The following SUSD6 variants were observed in gnomAD, a reference collection of about 807,000 sequenced individuals.
The protein encoded by SUSD6 is sushi domain-containing protein 6.
A neutral mutation model predicts 28.4 loss-of-function variants in SUSD6; 16 were observed. The ratio of observed to expected loss-of-function variants is 0.56; its 90% CI spans 0.38 to 0.86. The LOEUF is 0.86. Ranked by LOEUF, SUSD6 falls within the 40% of genes least tolerant of loss-of-function variation. The pLI is 0.00. For missense variants in SUSD6, 341 were observed against 384.2 expected (o/e 0.89, Z 0.94); for synonymous variants, 147 against 159.6 (o/e 0.92, Z 0.59).
chr14:69,626,652 A>AT (rs1039510197), intron 1 of SUSD6, among the ~76,000 whole-genome samples: 2 of 151,850 alleles, frequency 1.3e-5, no homozygotes, highest in Non-Finnish European at 2.9e-5. Flanking sequence ...TGAAGCACCC[A>AT]TTTTTTTCAT....
intron 2 of SUSD6, among the ~76,000 whole-genome samples, chr14:69,699,915 G>A (rs961893933): frequency 5.9e-5 from 9 of 152,172 alleles, no homozygotes; most frequent in Admixed American, 4.6e-4. Flanking sequence ...CATAGGGGAC[G>A]AAAGATTGGT....
chr14:69,652,139 T>C (rs1226054948), intron 1 of SUSD6, among the ~76,000 whole-genome samples: 1 of 152,186 alleles, frequency 6.6e-6, no homozygotes, highest in Non-Finnish European at 1.5e-5. Context: ...TCATCCCAGT[T>C]CCCTCTCTTA....
chr14:69,650,095 A>G (rs911784241), intron 1 of SUSD6, among the ~76,000 whole-genome samples: 3 of 152,180 alleles, frequency 2.0e-5, no homozygotes, highest in Admixed American at 6.5e-5. Flanking sequence ...TTGATGGGAA[A>G]GAATGTGGGA....
At chr14:69,690,691 C>G (rs1411105426) in intron 2 of SUSD6, among the ~76,000 whole-genome samples, 1 of 152,186 alleles carries the variant, frequency 6.6e-6, no homozygotes, top group East Asian at 1.9e-4. Context: ...CCGTGGTGGT[C>G]ATTTGGGAGA....
chr14:69,658,578 T>C lies in SUSD6; in HGVS notation c.-15T>C, dbSNP rs774641535. 1.2e-6 allele frequency: 2 copies of C among 1,613,512 alleles called. No homozygotes were observed. Among genetic ancestry groups the C allele is most frequent in the Middle Eastern group, 1.7e-4 (1 of 6,060 alleles). On this transcript the variant is annotated 5_prime_UTR_variant, in exon 2 of 6. Coordinates refer to ENST00000342745, the MANE Select transcript of SUSD6 (RefSeq NM_014734.4). ...TTAAATTTTTTCTTTTTAAAAAAAC[T>C]TGGACGGATAAAAGATGTGCCATGG...
intron 2 of SUSD6, among the ~76,000 whole-genome samples, chr14:69,672,044 A>G (rs898441899): frequency 1.3e-5 from 2 of 152,156 alleles, no homozygotes; most frequent in African/African-American, 4.8e-5. Context: ...TTATAATACT[A>G]TTTTTTCAGT....
At chr14:69,659,016 C>G (rs1433667000) in intron 2 of SUSD6, among the ~76,000 whole-genome samples, 1 of 152,134 alleles carries the variant, frequency 6.6e-6, no homozygotes, top group Non-Finnish European at 1.5e-5. Context: ...AGGGGACAGA[C>G]TTTGGAATCA....
intron 1 of SUSD6, among the ~76,000 whole-genome samples, chr14:69,641,024 C>G (rs527728063): frequency 6.6e-6 from 1 of 152,314 alleles, no homozygotes; most frequent in East Asian, 1.9e-4. Flanking sequence ...CAACACTAGG[C>G]CTTCCTAAAT....
At chr14:69,682,485 A>G (rs923241818) in intron 2 of SUSD6, among the ~76,000 whole-genome samples, 1 of 152,210 alleles carries the variant, frequency 6.6e-6, no homozygotes, top group African/African-American at 2.4e-5. Context: ...ACATATGAGA[A>G]AAACAATCCT....
chr14:69,638,057 A>G (rs772529639), intron 1 of SUSD6, among the ~76,000 whole-genome samples: 18 of 152,074 alleles, frequency 1.2e-4, no homozygotes, highest in Admixed American at 1.1e-3. Context: ...CCTTTTGCCT[A>G]TGCCTCCAAG....
At chr14:69,622,329 C>G (rs531962045) in intron 1 of SUSD6, among the ~76,000 whole-genome samples, 1 of 152,040 alleles carries the variant, frequency 6.6e-6, no homozygotes, top group African/African-American at 2.4e-5. Context: ...CATGCCCGGC[C>G]AATTTTTTTG....
chr14:69,627,308 T>C (rs1885128682), intron 1 of SUSD6, among the ~76,000 whole-genome samples: 1 of 152,200 alleles, frequency 6.6e-6, no homozygotes, highest in South Asian at 2.1e-4. Flanking sequence ...ATTTCAGGGC[T>C]AATCATGAAT....
intron 1 of SUSD6, among the ~76,000 whole-genome samples, chr14:69,638,294 T>C (rs1885294186): frequency 6.6e-6 from 1 of 152,136 alleles, no homozygotes; most frequent in Non-Finnish European, 1.5e-5. Context: ...AGGACTGTAA[T>C]TTAGCTTGTG....
At chr14:69,687,788 C>G (rs1886095154) in intron 2 of SUSD6, among the ~76,000 whole-genome samples, 1 of 152,214 alleles carries the variant, frequency 6.6e-6, no homozygotes, top group South Asian at 2.1e-4. Context: ...GCCGTTACAA[C>G]TGTTAATTAA....
intron 2 of SUSD6, among the ~76,000 whole-genome samples, chr14:69,677,576 T>C (rs1371757512): frequency 6.7e-6 from 1 of 149,630 alleles, no homozygotes; most frequent in African/African-American, 2.5e-5. Flanking sequence ...AAAGTGTTTT[T>C]ACAGACCTGT....
In SUSD6 at chr14:69,712,351, T is replaced by C. The variant is rs1566610014; in HGVS notation, c.*1372T>C. 1 of 152,380 alleles carries C rather than the reference T, an allele frequency of 6.6e-6. No individual in the cohort carries two copies. Among genetic ancestry groups the C allele is most frequent in the Non-Finnish European group, 1.5e-5 (1 of 68,180 alleles). The allele number at this position is 152,380 out of a possible 1,614,324, so 9.4% of individuals were successfully genotyped here. A position where few individuals can be genotyped will look rare whatever the true frequency, so the allele number is the denominator to read the frequency against. ...GGGCCCTGGGGGAGGAGCCCACTGA[T>C]GAGGGGCGCTCTCCCATAGCCATGT... On this transcript the variant is annotated 3_prime_UTR_variant, in exon 6 of 6. Transcript: ENST00000342745.
intron 2 of SUSD6, among the ~76,000 whole-genome samples, chr14:69,678,091 G>A (rs1350402882): frequency 6.6e-6 from 1 of 151,358 alleles, no homozygotes; most frequent in African/African-American, 2.4e-5. Flanking sequence ...ACAGAATATT[G>A]TTTTATGTGT....
At chr14:69,646,963 AG>A (rs1566594381) in intron 1 of SUSD6, among the ~76,000 whole-genome samples, 1 of 152,192 alleles carries the variant, frequency 6.6e-6, no homozygotes, top group Non-Finnish European at 1.5e-5. Flanking sequence ...GGCTTCCCAA[AG>A]TGCTCGGATT....
chr14:69,651,279 C>T (rs892937644), intron 1 of SUSD6, among the ~76,000 whole-genome samples: 4 of 152,174 alleles, frequency 2.6e-5, no homozygotes, highest in African/African-American at 9.7e-5. Flanking sequence ...GGTAGTGTGT[C>T]TGCTGGCTTT....
Sources: allele counts gnomAD v4.1 joint callset (sites outside exome capture counted in the v4.1 genomes callset), GRCh38; gene constraint gnomAD v4.1.1; transcripts MANE v1.5; gene names NCBI Gene and HGNC (gene_info 2026-07-23, HGNC 2026-07-21).